KBTBD12: variants seen among roughly 807,000 people sequenced by gnomAD.
KBTBD12 encodes the protein kelch repeat and BTB domain containing 12, also known as kelch repeat and BTB domain-containing protein 12.
A neutral mutation model predicts 58.7 loss-of-function variants in KBTBD12; 53 were observed. The observed-to-expected ratio is 0.90, with a 90% CI of 0.72 to 1.14. The LOEUF is 1.14. Ranked by LOEUF, KBTBD12 falls within the 50% of genes most tolerant of loss-of-function variation. The probability of loss-of-function intolerance (pLI) is 0.00; values close to 1 mark genes in which losing one functional copy is unlikely to be tolerated. For synonymous variants in KBTBD12, 236 were observed against 259.8 expected (o/e 0.91, Z 0.88); for missense variants, 704 against 751.3 (o/e 0.94, Z 0.74).
chr3:127,932,460 A>G (rs1424877878), intron 4 of KBTBD12, among the ~76,000 whole-genome samples: 1 of 152,096 alleles, frequency 6.6e-6, no homozygotes, highest in African/African-American at 2.4e-5. Flanking sequence ...ATCTATATGT[A>G]CCTCCACTGT....
At chr3:127,939,077 G>A (rs1168989881) in intron 4 of KBTBD12, among the ~76,000 whole-genome samples, 3 of 152,162 alleles carry the variant, frequency 2.0e-5, no homozygotes, top group African/African-American at 7.2e-5. Context: ...GAAAAGGGAG[G>A]TTATAATTAT....
intron 5 of KBTBD12, among the ~76,000 whole-genome samples, chr3:127,964,318 T>C (rs566495036): frequency 6.6e-6 from 1 of 152,178 alleles, no homozygotes; most frequent in African/African-American, 2.4e-5. Context: ...GCCTTCACTC[T>C]TTAAGCACAT....
Position 127,987,109 on chromosome 3 carries a change from G to T in KBTBD12, c.*2831G>T, listed in dbSNP as rs566402399. 6.6e-6 allele frequency: 1 copy of T among 152,398 alleles called. No individual in the cohort carries two copies. The highest frequency in any genetic ancestry group is 6.5e-5 in the Admixed American group (1 of 15,306). The allele number at this position is 152,398 out of a possible 1,614,324, so 9.4% of individuals were successfully genotyped here. A position where few individuals can be genotyped will look rare whatever the true frequency, so the allele number is the denominator to read the frequency against. ...GGAGCCAGGAGGGCAGTGACCAGGA[G>T]CTGGCTTAGCACTGAAGGGAAGCAG... On this transcript the variant is annotated 3_prime_UTR_variant, in exon 6 of 6. Transcript: ENST00000405109.
chr3:127,930,649 A>G (rs533808641), intron 4 of KBTBD12, among the ~76,000 whole-genome samples: 35 of 152,322 alleles, frequency 2.3e-4, no homozygotes, highest in Admixed American at 5.9e-4. Flanking sequence ...CTGTGCCATT[A>G]GAAGAGAAAG....
Position 127,922,963 on chromosome 3 carries a change from C to T in KBTBD12, c.-99C>T, listed in dbSNP as rs186583580. 7.3e-6 allele frequency: 5 copies of T among 686,052 alleles called. No individual in the cohort carries two copies. Among genetic ancestry groups the T allele is most frequent in the East Asian group, 5.3e-5 (2 of 37,938 alleles). The allele number at this position is 686,052 out of a possible 1,614,324, so 42.5% of individuals were successfully genotyped here. On this transcript the variant is annotated 5_prime_UTR_variant, in exon 2 of 6. Coordinates refer to ENST00000405109, the MANE Select transcript of KBTBD12 (RefSeq NM_207335.4). ...TCTTTCCCTTAGAAATGTTTCCTGACATCTTTGTAGCTTCATGAGTAATCA... is the reference window on the plus strand; with the variant it reads ...TCTTTCCCTTAGAAATGTTTCCTGATATCTTTGTAGCTTCATGAGTAATCA...
At position 127,984,343 on chromosome 3, in the gene KBTBD12, C is replaced by G; in HGVS notation, c.*65C>G. 7.0e-7 allele frequency: 1 copy of G among 1,423,808 alleles called. No individual in the cohort carries two copies. The highest frequency in any genetic ancestry group is 9.7e-7 in the Non-Finnish European group (1 of 1,026,804). 88.2% of individuals were successfully genotyped at this position (1,423,808 alleles called of 1,614,324 possible). On this transcript the variant is annotated 3_prime_UTR_variant, in exon 6 of 6. Transcript: ENST00000405109. The stretch of plus-strand genomic sequence containing the variant: ...AGGCCTTCAGAACGGAGAGGGCCCA[C>G]AGCATCTCTGTCATGCCAGTCATGT...
chr3:127,928,098 ATTG>A (rs748866853), intron 3 of KBTBD12, 64 bp downstream of exon 3: 2 of 1,386,596 alleles, frequency 1.4e-6, no homozygotes, highest in African/African-American at 2.8e-5. Context: ...TATGTTAAAC[ATTG>A]TTGTAGTTGT....
intron 1 of KBTBD12, among the ~76,000 whole-genome samples, chr3:127,918,580 C>T (rs1240316317): frequency 7.9e-5 from 12 of 151,952 alleles, no homozygotes; most frequent in Non-Finnish European, 1.5e-5. Context: ...GGGGTGGTGG[C>T]GGGCGCCTGT....
intron 4 of KBTBD12, among the ~76,000 whole-genome samples, chr3:127,959,994 G>C (rs1046642979): frequency 6.6e-6 from 1 of 152,174 alleles, no homozygotes; most frequent in Non-Finnish European, 1.5e-5. Flanking sequence ...AGCACGACAG[G>C]CAACTTTGGA....
intron 5 of KBTBD12, among the ~76,000 whole-genome samples, chr3:127,982,515 C>G (rs1476967421): frequency 6.6e-6 from 1 of 152,186 alleles, no homozygotes; most frequent in Non-Finnish European, 1.5e-5. Flanking sequence ...TCCACTCTCC[C>G]CTGCCTGGAT....
At chr3:127,943,141 C>T (rs926455432) in intron 4 of KBTBD12, among the ~76,000 whole-genome samples, 2 of 152,118 alleles carry the variant, frequency 1.3e-5, no homozygotes, top group East Asian at 3.8e-4. Context: ...TTGGTGGAGA[C>T]AAGCCACATC....
At chr3:127,942,010 A>C (rs547497412) in intron 4 of KBTBD12, among the ~76,000 whole-genome samples, 1 of 152,308 alleles carries the variant, frequency 6.6e-6, no homozygotes, top group East Asian at 1.9e-4. Flanking sequence ...TAATACAATA[A>C]AGAAAGATAA....
At position 127,952,872 on chromosome 3, in the gene KBTBD12, A is replaced by T. The variant is rs569185041; in HGVS notation, c.1493-10317A>T. On this transcript the variant is annotated intron_variant, in intron 4 of 5. Transcript: ENST00000405109. ...CTTTACCTTATTACATTTTTTATAA[A>T]TTTTCTGAGTAAATCTCATGTGTAC... Among the ~76,000 whole-genome samples, 3 of 152,298 alleles carry T rather than the reference A, an allele frequency of 2.0e-5. No homozygotes were observed. The South Asian group carries it at 6.2e-4, about 32-fold the overall frequency.
chr3:127,931,250 T>G (rs1393011182), intron 4 of KBTBD12, among the ~76,000 whole-genome samples: 1 of 152,156 alleles, frequency 6.6e-6, no homozygotes, highest in African/African-American at 2.4e-5. Flanking sequence ...CTCTTAGCTG[T>G]TTGCACAGCA....
intron 4 of KBTBD12, among the ~76,000 whole-genome samples, chr3:127,941,905 C>A (rs888877161): frequency 2.0e-5 from 3 of 152,120 alleles, no homozygotes; most frequent in Admixed American, 6.6e-5. Flanking sequence ...CGGCCAATAT[C>A]ATTCTTAATG....
chr3:127,918,229 G>A (rs1441009184), intron 1 of KBTBD12, among the ~76,000 whole-genome samples: 1 of 152,198 alleles, frequency 6.6e-6, no homozygotes, highest in African/African-American at 2.4e-5. Context: ...TCATTGACAG[G>A]AGAGGCAAGC....
At chr3:127,982,701 G>T (rs1233086798) in intron 5 of KBTBD12, among the ~76,000 whole-genome samples, 1 of 152,216 alleles carries the variant, frequency 6.6e-6, no homozygotes, top group Admixed American at 6.5e-5. Context: ...GCTAAGGATG[G>T]CTGTGTCCAT....
chr3:127,921,096 C>G (rs768544400), intron 1 of KBTBD12, among the ~76,000 whole-genome samples: 8 of 152,054 alleles, frequency 5.3e-5, no homozygotes, highest in Non-Finnish European at 7.4e-5. Context: ...TCCTGCTTCA[C>G]CTTTACCAAG....
intron 1 of KBTBD12, among the ~76,000 whole-genome samples, chr3:127,916,716 A>AC (rs1436064318): frequency 1.3e-5 from 2 of 152,100 alleles, no homozygotes; most frequent in African/African-American, 4.8e-5. Context: ...AAAAAAAAAA[A>AC]AAAAAACTGA....
Sources: gnomAD v4.1 joint callset for allele counts (sites outside exome capture counted in the v4.1 genomes callset) on GRCh38, gnomAD v4.1.1 for gene constraint, MANE v1.5 for transcripts, NCBI Gene and HGNC (gene_info 2026-07-23, HGNC 2026-07-21) for gene names.